Variants in DAGLB observed in about 807,000 individuals in gnomAD.
The protein encoded by DAGLB is diacylglycerol lipase-beta.
Under a neutral mutation model 72.1 loss-of-function variants are expected in DAGLB, and 66 were observed. The ratio of observed to expected loss-of-function variants is 0.92; its 90% confidence interval spans 0.75 to 1.12. The LOEUF (loss-of-function observed/expected upper bound fraction) is 1.12, where lower values mean the gene tolerates loss of function less well. Ranked by LOEUF, DAGLB falls within the 50% of genes most tolerant of loss-of-function variation. The pLI is 0.00. For missense variants in DAGLB, 1,065 were observed against 884.9 expected (o/e 1.20, Z -2.58); for synonymous variants, 414 against 359.5 (o/e 1.15, Z -1.71).
At chr7:6,415,095 A>C (rs1783858924) in intron 11 of DAGLB, among the ~76,000 whole-genome samples, 1 of 112,406 alleles carries the variant, frequency 8.9e-6, no homozygotes, top group African/African-American at 6.7e-5. Flanking sequence ...CAGGAGGCAG[A>C]GGCTACAGCA....
rs745905034 is a variant in DAGLB at position 6,410,427 on chromosome 7, C to T, written c.1570-47G>A. 6 of 1,548,172 alleles carry T rather than the reference C, an allele frequency of 3.9e-6. No homozygotes were observed. In the African/African-American group the frequency reaches 5.5e-5, roughly 14 times the overall value. ...TAGAATGCTGTCACTCACCCTCTGT[C>T]ACCCGAGACCTCCCGAAACACCAAG... On this transcript the variant is annotated intron_variant, in intron 13 of 14. Coordinates refer to ENST00000297056, the MANE Select transcript of DAGLB (RefSeq NM_139179.4).
At position 6,432,828 on chromosome 7, in the gene DAGLB, C is replaced by T. The variant is rs1784532113; in HGVS notation, c.801+9G>A. ...GTCAGAACTGGACACTCCATGAAGC[C>T]AGGCTCACCTGGGAGCTCCCTGGGG... On this transcript the variant is annotated intron_variant, in intron 5 of 14. Coordinates refer to ENST00000297056, the MANE Select transcript of DAGLB (RefSeq NM_139179.4). 1.7e-5 allele frequency: 28 copies of T among 1,612,832 alleles called. No individual in the cohort carries two copies. The highest frequency in any genetic ancestry group is 2.3e-5 in the Non-Finnish European group (27 of 1,179,676).
chr7:6,426,060 A>G lies in DAGLB; in HGVS notation c.984T>C (p.Cys328=), dbSNP rs749749776. 6.2e-7 allele frequency: 1 copy of G among 1,614,036 alleles called. No individual in the cohort carries two copies. The highest frequency in any genetic ancestry group is 1.7e-5 in the Admixed American group (1 of 60,006). ...TGGTGTGCAGGATGGAGCCGAAGTG[A>G]CAGTTGAGCTGATCGCCTCCGACCA... is the stretch of plus-strand genomic sequence containing the variant. The part of the protein sequence containing the change: ...YDLVGGDQLN[C]HFGSILHTTG... The change falls in exon 7 of 15, where the codon TGT becomes TGC. Residue 328 remains cysteine (C), a synonymous_variant. Coordinates refer to ENST00000297056, the MANE Select transcript of DAGLB (RefSeq NM_139179.4).
chr7:6,446,710 C>G (rs1785016016), intron 1 of DAGLB, among the ~76,000 whole-genome samples: 2 of 149,348 alleles, frequency 1.3e-5, no homozygotes, highest in Non-Finnish European at 3.0e-5. Flanking sequence ...ATATAATTGC[C>G]AACAATAAAA....
intron 9 of DAGLB, 45 bp downstream of exon 9, chr7:6,421,682 T>A: frequency 6.4e-7 from 1 of 1,565,216 alleles, no homozygotes; most frequent in South Asian, 1.2e-5. Flanking sequence ...CCATCTTCTG[T>A]GTGGTCAGCA....
At chr7:6,416,137 A>G (rs1183145134) in intron 11 of DAGLB, 2 of 152,466 alleles carry the variant, frequency 1.3e-5, no homozygotes, top group East Asian at 3.9e-4. Context: ...TCTAAAAAAT[A>G]AAGTCTGTTT....
chr7:6,420,958 C>G (rs1479547543), intron 9 of DAGLB, among the ~76,000 whole-genome samples: 2 of 152,202 alleles, frequency 1.3e-5, no homozygotes, highest in Non-Finnish European at 2.9e-5. Context: ...GCACTCTCTG[C>G]TGCTCTGAGC....
intron 2 of DAGLB, 43 bp downstream of exon 2, chr7:6,445,910 G>A (rs772664312): frequency 6.5e-7 from 1 of 1,540,864 alleles, no homozygotes; most frequent in Non-Finnish European, 8.7e-7. Context: ...TCTCAATAAA[G>A]CTATAAAAAA....
intron 9 of DAGLB, among the ~76,000 whole-genome samples, chr7:6,417,944 C>T (rs1336695308): frequency 6.6e-6 from 1 of 152,128 alleles, no homozygotes; most frequent in Admixed American, 6.6e-5. Context: ...GATCTCGGCT[C>T]ACTGCAACCT....
At chr7:6,422,361 G>C (rs1037117902) in intron 8 of DAGLB, 1 of 241,040 alleles carries the variant, frequency 4.1e-6, no homozygotes, top group Non-Finnish European at 8.4e-6. Flanking sequence ...AGCAGGACCC[G>C]CTGGCTGGGG....
Position 6,430,532 on chromosome 7 carries a change from G to A in DAGLB, c.877C>T (p.Leu293Phe), listed in dbSNP as rs748647802. Residue 293 changes from leucine to phenylalanine, a missense_variant, in exon 6 of 15, where the codon CTC (leucine) becomes TTC (phenylalanine). Transcript: ENST00000297056. ...GTGAGGGGGTTTCTGTAGATGTAGA[G>A]GGGCCACCCATAGGCCGCTGCTGCA... ...QFAAAAYGWP[L>F]YIYRNPLTGL... 6.2e-7 allele frequency: 1 copy of A among 1,601,262 alleles called. No individual in the cohort carries two copies. Among genetic ancestry groups the A allele is most frequent in the East Asian group, 2.2e-5 (1 of 44,694 alleles).
chr7:6,446,643 G>A lies in DAGLB; in HGVS notation c.96-539C>T, dbSNP rs1785014255. 3.3e-5 allele frequency among the ~76,000 whole-genome samples: 5 copies of A among 151,888 alleles called. No homozygotes were observed. In the South Asian group the frequency reaches 1.0e-3, roughly 31 times the overall value. Reference sequence around the variant, plus strand: ...ACTCCTGGCTTCAAGTGATCTTCCTGCCTTGGCCTCCCAAAGTGCTGGGAT... The same window carrying A: ...ACTCCTGGCTTCAAGTGATCTTCCTACCTTGGCCTCCCAAAGTGCTGGGAT... On this transcript the variant is annotated intron_variant, in intron 1 of 14. Coordinates refer to ENST00000297056, the MANE Select transcript of DAGLB (RefSeq NM_139179.4).
At chr7:6,436,711 G>A (rs1379392825) in intron 2 of DAGLB, among the ~76,000 whole-genome samples, 178 bp from the exon 3 acceptor site, 1 of 152,124 alleles carries the variant, frequency 6.6e-6, no homozygotes, top group Non-Finnish European at 1.5e-5. Context: ...GAGAAAATGA[G>A]GATGGGAAAC....
At chr7:6,421,876 T>A in intron 8 of DAGLB, 72 bp from the exon 9 acceptor site, 1 of 1,507,788 alleles carries the variant, frequency 6.6e-7, no homozygotes, top group Non-Finnish European at 9.1e-7. Context: ...AGGTGGTCCC[T>A]GCTCCTGACA....
In DAGLB at chr7:6,409,921, C is replaced by G. The variant is rs757156328; in HGVS notation, c.1935G>C (p.Met645Ile). 2.5e-6 allele frequency: 4 copies of G among 1,614,110 alleles called. No homozygotes were observed. Among genetic ancestry groups the G allele is most frequent in the Non-Finnish European group, 2.5e-6 (3 of 1,180,044 alleles). The change falls in exon 15 of 15, where the codon ATG becomes ATC. Residue 645 changes from methionine to isoleucine, a missense_variant. Transcript: ENST00000297056. ...CGGAGACCACGCTGTCCAAGGCCCGCATCAGGATGTCTGGCATGTGGTCGG... is the reference window on the plus strand; with the variant it reads ...CGGAGACCACGCTGTCCAAGGCCCGGATCAGGATGTCTGGCATGTGGTCGG... ...MLTDHMPDILMRALDSVVSDR... is the reference protein window; with the variant it reads ...MLTDHMPDILIRALDSVVSDR...
chr7:6,429,485 G>A (rs1056904753), intron 6 of DAGLB, among the ~76,000 whole-genome samples: 7 of 151,858 alleles, frequency 4.6e-5, no homozygotes, highest in Admixed American at 6.6e-5. Flanking sequence ...CTGGGGCTGG[G>A]CACAGTGGCT....
rs1249077126 is a variant in DAGLB, at chr7:6,436,541, A to G, written c.248-8T>C. The G allele has an allele frequency of 1.2e-6, 2 of 1,613,770 alleles. No individual in the cohort carries two copies. The highest frequency in any genetic ancestry group is 2.2e-5 in the East Asian group (1 of 44,878). On this transcript the variant is annotated splice_region_variant and splice_polypyrimidine_tract_variant and intron_variant, in intron 2 of 14. Transcript: ENST00000297056. ...CAGGGTTACAAATCGTTCCTGAAATACAAAAAACGTTCCGACTGCTCAGTT... is the reference window on the plus strand; with the variant it reads ...CAGGGTTACAAATCGTTCCTGAAATGCAAAAAACGTTCCGACTGCTCAGTT...
intron 5 of DAGLB, 121 bp downstream of exon 5, chr7:6,432,716 G>T: frequency 8.0e-7 from 1 of 1,250,292 alleles, no homozygotes; most frequent in Admixed American, 3.4e-5. Flanking sequence ...GGGGAGGGGA[G>T]GGAGGGGAAA....
intron 2 of DAGLB, among the ~76,000 whole-genome samples, chr7:6,444,183 G>T (rs564713438): frequency 6.6e-6 from 1 of 152,160 alleles, no homozygotes; most frequent in Admixed American, 6.5e-5. Flanking sequence ...TGAGAAGAGA[G>T]GATTGCTTGA....
Sources: allele counts gnomAD v4.1 joint callset (sites outside exome capture counted in the v4.1 genomes callset), GRCh38; gene constraint gnomAD v4.1.1; transcripts MANE v1.5; gene names NCBI Gene and HGNC (gene_info 2026-07-23, HGNC 2026-07-21).